The following MAP2 variants were observed in gnomAD, a reference collection of about 807,000 sequenced individuals.
The protein encoded by MAP2 is microtubule associated protein 2, also known as microtubule-associated protein 2.
A neutral mutation model predicts 137.6 loss-of-function variants in MAP2; 14 were observed. The observed-to-expected ratio is 0.10, with a 90% CI of 0.07 to 0.16. MAP2 has a LOEUF of 0.16. Among genes scored for constraint, MAP2 ranks in the 10% least tolerant of loss-of-function variants. The probability of loss-of-function intolerance (pLI) is 1.00; values close to 1 mark genes in which losing one functional copy is unlikely to be tolerated. For synonymous variants in MAP2, 786 were observed against 782.3 expected, an observed-to-expected ratio of 1.00 and a Z score of -0.08; for missense variants, 2,088 against 2,191.5, an observed-to-expected ratio of 0.95 and a Z score of 0.94.
At chr2:209,616,338 A>T (rs1341105854) in intron 3 of MAP2, among the ~76,000 whole-genome samples, 1 of 152,248 alleles carries the variant, frequency 6.6e-6, no homozygotes, top group Non-Finnish European at 1.5e-5. Context: ...CTTAACCAAT[A>T]TTACACAGCC....
At chr2:209,462,112 A>G (rs1453865793) in intron 1 of MAP2, among the ~76,000 whole-genome samples, 5 of 152,232 alleles carry the variant, frequency 3.3e-5, no homozygotes, top group African/African-American at 1.2e-4. Flanking sequence ...CTGGTAAAAT[A>G]TATGAATGTT....
At chr2:209,584,522 A>C (rs868669841) in intron 3 of MAP2, among the ~76,000 whole-genome samples, 27 of 152,250 alleles carry the variant, frequency 1.8e-4, no homozygotes, top group Middle Eastern at 3.4e-3. Context: ...GATGGCTTTG[A>C]ATGCCAGTCA....
intron 5 of MAP2, among the ~76,000 whole-genome samples, chr2:209,660,910 ATTTT>A (rs1297790238): frequency 9.1e-6 from 1 of 110,130 alleles, no homozygotes. Flanking sequence ...AATTTTTTGT[ATTTT>A]TTTTTTTTTT....
rs2075983671 is a variant in MAP2, at chr2:209,733,046, CACAT to C, written c.*2652_*2655del. The C allele has an allele frequency of 1.3e-5, 2 of 152,602 alleles. No individual in the cohort carries two copies. The highest frequency in any genetic ancestry group is 2.1e-4 in the South Asian group (1 of 4,810). 9.5% of individuals were successfully genotyped at this position (152,602 alleles called of 1,614,324 possible). A position where few individuals can be genotyped will look rare whatever the true frequency, so the allele number is the denominator to read the frequency against. On this transcript the variant is annotated 3_prime_UTR_variant, in exon 16 of 16. Coordinates refer to ENST00000682079, the MANE Select transcript of MAP2 (RefSeq NM_001375505.1). The stretch of plus-strand genomic sequence containing the variant: ...TTTGAGCACCACTCTTGTGGGGACA[CACAT>C]ACGCTGATCTAGGAATGAAATCTTC...
chr2:209,675,784 C>T (rs992908291), intron 5 of MAP2, among the ~76,000 whole-genome samples: 3 of 151,576 alleles, frequency 2.0e-5, no homozygotes, highest in Non-Finnish European at 2.9e-5. Context: ...GGATTATCTT[C>T]CCAATCTAAA....
intron 13 of MAP2, among the ~76,000 whole-genome samples, chr2:209,722,471 T>G (rs1050553688): frequency 3.3e-5 from 5 of 152,236 alleles, no homozygotes; most frequent in African/African-American, 1.2e-4. Flanking sequence ...TATTTAGAAT[T>G]TTTTAATAAG....
intron 11 of MAP2, among the ~76,000 whole-genome samples, chr2:209,703,328 A>T (rs1225667990): frequency 6.6e-6 from 1 of 152,070 alleles, no homozygotes; most frequent in East Asian, 1.9e-4. Flanking sequence ...TACTTTTTTC[A>T]TTATTAGGCT....
chr2:209,696,124 G>A lies in MAP2; in HGVS notation c.3954G>A (p.Glu1318=), dbSNP rs772014564. The A allele has an allele frequency of 3.7e-6, 6 of 1,613,320 alleles. No individual in the cohort carries two copies. The highest frequency in any genetic ancestry group is 3.3e-5 in the Admixed American group (2 of 59,904). ...GTTTTGCAGCCCTAGAGCAGCCTGA[G>A]GTGGAAAGGAGACCATCTCCTCATG... is the stretch of plus-strand genomic sequence containing the variant. ...SVRFAALEQP[E]VERRPSPHDE... is the part of the protein sequence containing the mutation. The change falls in exon 8 of 16, where the codon GAG becomes GAA. Residue 1318 remains glutamate, a synonymous_variant. Coordinates refer to ENST00000682079, the MANE Select transcript of MAP2 (RefSeq NM_001375505.1).
intron 1 of MAP2, among the ~76,000 whole-genome samples, chr2:209,462,983 G>GCACA (rs145524379): frequency 2.0e-5 from 3 of 150,018 alleles, no homozygotes; most frequent in African/African-American, 7.4e-5. Flanking sequence ...CCAGCATAAT[G>GCACA]CACACACACA....
intron 5 of MAP2, among the ~76,000 whole-genome samples, chr2:209,660,622 C>G (rs2043039331): frequency 6.7e-6 from 1 of 148,606 alleles, no homozygotes; most frequent in South Asian, 2.1e-4. Flanking sequence ...GTCTCTATCT[C>G]CTGACCTCGT....
At chr2:209,480,990 G>T (rs1261776117) in intron 1 of MAP2, among the ~76,000 whole-genome samples, 6 of 152,198 alleles carry the variant, frequency 3.9e-5, no homozygotes, top group Non-Finnish European at 8.8e-5. Flanking sequence ...ATGGTGAAAA[G>T]AGGTACCAGT....
In MAP2 at chr2:209,694,469, G is replaced by A. The variant is rs752789501; in HGVS notation, c.2299G>A (p.Glu767Lys). The change falls in exon 8 of 16, where the codon GAA becomes AAA. Residue 767 changes from glutamate to lysine, a missense_variant. Glu to Lys is a moderately conservative substitution (Grantham distance 56, BLOSUM62 1). Around this residue, in one of 6 missense-constraint regions of MAP2, gnomAD observed 500 missense variants for 482.9 expected, o/e 1.04. Coordinates refer to ENST00000682079, the MANE Select transcript of MAP2 (RefSeq NM_001375505.1). ...PCFPVESKEE[E>K]QIEKVKATGE... is the part of the protein sequence containing the mutation. ...CTTCCCTGTAGAAAGCAAAGAGGAA[G>A]AACAGATAGAGAAAGTAAAAGCTAC... 1.2e-6 allele frequency: 2 copies of A among 1,614,066 alleles called. No homozygotes were observed. Among genetic ancestry groups the A allele is most frequent in the Non-Finnish European group, 1.7e-6 (2 of 1,179,964 alleles).
intron 2 of MAP2, among the ~76,000 whole-genome samples, chr2:209,530,905 TC>T (rs1389868164): frequency 6.6e-6 from 1 of 152,190 alleles, no homozygotes; most frequent in African/African-American, 2.4e-5. Flanking sequence ...CCTAGTTGCT[TC>T]TCAGTATTTA....
chr2:209,591,699 A>G lies in MAP2; in HGVS notation c.-107+11599A>G, dbSNP rs575393541. On this transcript the variant is annotated intron_variant, in intron 3 of 15. Coordinates refer to ENST00000682079, the MANE Select transcript of MAP2 (RefSeq NM_001375505.1). Reference sequence around the variant, plus strand: ...AGTGAAAACCATTTTGATAATTGCTATTCCCCAAGAGTTCTTCTGATTACC... The same window carrying G: ...AGTGAAAACCATTTTGATAATTGCTGTTCCCCAAGAGTTCTTCTGATTACC... Among the ~76,000 whole-genome samples, 37 of 152,288 alleles carry G rather than the reference A, an allele frequency of 2.4e-4. No individual in the cohort carries two copies. The South Asian group carries it at 2.7e-3, about 11-fold the overall frequency.
chr2:209,715,304 G>A (rs965221263), intron 13 of MAP2, among the ~76,000 whole-genome samples: 1 of 152,004 alleles, frequency 6.6e-6, no homozygotes, highest in Non-Finnish European at 1.5e-5. Flanking sequence ...AAAATAACAT[G>A]GGGAGTTGTC....
chr2:209,730,251 A>T lies in MAP2; in HGVS notation c.5338A>T (p.Thr1780Ser). 6.2e-7 allele frequency: 1 copy of T among 1,614,110 alleles called. No homozygotes were observed. Among genetic ancestry groups the T allele is most frequent in the African/African-American group, 1.3e-5 (1 of 75,048 alleles). The change falls in exon 16 of 16, where the codon ACA becomes TCA. Residue 1780 changes from threonine to serine, a missense_variant. This residue lies in a region of MAP2 where 112 missense variants were observed against 201.0 expected (regional missense o/e 0.56). Transcript: ENST00000682079. ...ARVDHGAEIITQSPGRSSVAS... is the reference protein window; with the variant it reads ...ARVDHGAEIISQSPGRSSVAS... ...TGTGGACCATGGGGCTGAGATCATT[A>T]CACAGTCCCCAGGCAGATCCAGCGT... is the stretch of plus-strand genomic sequence containing the variant.
intron 1 of MAP2, among the ~76,000 whole-genome samples, chr2:209,495,763 A>T (rs909862925): frequency 3.3e-5 from 5 of 152,216 alleles, no homozygotes; most frequent in African/African-American, 1.2e-4. Flanking sequence ...GTTGTATTAA[A>T]CACTTAATAC....
At chr2:209,571,493 T>A (rs959261385) in intron 2 of MAP2, among the ~76,000 whole-genome samples, 1 of 151,980 alleles carries the variant, frequency 6.6e-6, no homozygotes, top group African/African-American at 2.4e-5. Context: ...CCAAACAGTT[T>A]TCCAAAGTGG....
At chr2:209,512,090 A>T (rs928042344) in intron 2 of MAP2, among the ~76,000 whole-genome samples, 2 of 151,990 alleles carry the variant, frequency 1.3e-5, no homozygotes, top group African/African-American at 2.4e-5. Context: ...AAGCCCTCTG[A>T]TTTTATTATC....
Sources: gnomAD v4.1 joint callset for allele counts (sites outside exome capture counted in the v4.1 genomes callset) on GRCh38, gnomAD v4.1.1 for gene constraint, gnomAD v4.1.1 regional missense constraint, MANE v1.5 for transcripts, NCBI Gene and HGNC (gene_info 2026-07-23, HGNC 2026-07-21) for gene names.